ZC3H13: variants seen among roughly 807,000 people sequenced by gnomAD.
ZC3H13 encodes zinc finger CCCH-type containing 13.
In ZC3H13, 64 loss-of-function variants were observed where a neutral mutation model predicts 204.1. The ratio of observed to expected loss-of-function variants is 0.31; its 90% confidence interval spans 0.26 to 0.39. The LOEUF is 0.39. Ranked by LOEUF, ZC3H13 falls within the 10% of genes least tolerant of loss-of-function variation. The pLI, the probability that ZC3H13 is intolerant of heterozygous loss-of-function variation, is 1.00. For synonymous variants in ZC3H13, 667 were observed against 693.7 expected (o/e 0.96, Z 0.60); for missense variants, 1,833 against 2,082.7 (o/e 0.88, Z 2.33).
chr13:46,042,776 G>A (rs575558813), intron 3 of ZC3H13, among the ~76,000 whole-genome samples: 5 of 152,060 alleles, frequency 3.3e-5, no homozygotes, highest in African/African-American at 1.2e-4. Flanking sequence ...CATGCCTGTG[G>A]TTGGATGCAA....
chr13:46,012,990 G>C (rs1442131567), intron 5 of ZC3H13, among the ~76,000 whole-genome samples: 1 of 152,148 alleles, frequency 6.6e-6, no homozygotes, highest in Non-Finnish European at 1.5e-5. Context: ...TATCAGTAAG[G>C]CACTGCCAAT....
intron 4 of ZC3H13, among the ~76,000 whole-genome samples, chr13:46,039,483 C>G (rs550190142): frequency 1.7e-4 from 26 of 152,300 alleles, no homozygotes; most frequent in African/African-American, 6.3e-4. Flanking sequence ...GGACAGCCTG[C>G]ATTTCCATTT....
Position 45,957,158 on chromosome 13 carries a change from G to C in ZC3H13, c.4979C>G (p.Ser1660Cys). The change falls in exon 19 of 19, where the codon TCC becomes TGC. Residue 1660 changes from serine to cysteine, a missense_variant. Physicochemically the swap from Ser to Cys is moderately radical, Grantham distance 112. This residue lies in a region of ZC3H13 where 211 missense variants were observed against 228.4 expected (regional missense o/e 0.92). Coordinates refer to ENST00000679008, the MANE Select transcript of ZC3H13 (RefSeq NM_001330564.2). ...CACACACAGTTCCTGTTGGATACTG[G>C]ACTGTGAAAGTTTATTATCTTCAGT... is the stretch of plus-strand genomic sequence containing the variant. ...EKTEDNKLSQSSIQQELCVS is the reference protein window; with the variant it reads ...EKTEDNKLSQCSIQQELCVS 2 of 1,546,318 alleles carry C rather than the reference G, an allele frequency of 1.3e-6. No homozygotes were observed. The highest frequency in any genetic ancestry group is 8.7e-7 in the Non-Finnish European group (1 of 1,144,782).
rs1453640206 is a variant in ZC3H13 at position 46,044,972 on chromosome 13, A to G, written c.210T>C (p.Tyr70=). The G allele has an allele frequency of 2.5e-6, 4 of 1,612,324 alleles. No homozygotes were observed. The highest frequency in any genetic ancestry group is 2.2e-5 in the East Asian group (1 of 44,820). ...VHGPSPRGKG[Y]SSNYRRSPER... is the part of the protein sequence containing the mutation. ...CAGTTTACCTTCTATAATTGCTGCT[A>G]TAACCTTTACCACGAGGTGAAGGGC... The change falls in exon 3 of 19, where the codon TAT becomes TAC. Residue 70 remains tyrosine (Y), a synonymous_variant. Transcript: ENST00000679008.
intron 5 of ZC3H13, among the ~76,000 whole-genome samples, chr13:46,014,358 C>G (rs1357834839): frequency 2.0e-5 from 3 of 151,978 alleles, no homozygotes; most frequent in Non-Finnish European, 4.4e-5. Context: ...CCCTCACCCC[C>G]CATCCCCACA....
In ZC3H13 at chr13:46,047,463, C is replaced by G. The variant is rs534106078; in HGVS notation, c.-9-1947G>C. 1.2e-4 allele frequency among the ~76,000 whole-genome samples: 19 copies of G among 152,272 alleles called. No individual in the cohort carries two copies. In the South Asian group the frequency reaches 3.7e-3, roughly 30 times the overall value. ...ATTGTTCTCCAAGTAAGGAACTACA[C>G]ACCAATTCTACATACTGGTGTTAGC... On this transcript the variant is annotated intron_variant, in intron 1 of 18. Transcript: ENST00000679008.
chr13:46,004,654 T>A (rs571002921), intron 7 of ZC3H13, among the ~76,000 whole-genome samples: 1 of 152,324 alleles, frequency 6.6e-6, no homozygotes, highest in African/African-American at 2.4e-5. Context: ...GTTTTTCAGG[T>A]GGCTTCCAGG....
At chr13:45,996,523 T>C (rs1397291885) in intron 8 of ZC3H13, among the ~76,000 whole-genome samples, 2 of 152,194 alleles carry the variant, frequency 1.3e-5, no homozygotes, top group Non-Finnish European at 2.9e-5. Context: ...ATGTTTTAAA[T>C]TGCACACAGT....
chr13:46,009,193 G>C (rs778294537), intron 7 of ZC3H13, among the ~76,000 whole-genome samples: 1 of 152,034 alleles, frequency 6.6e-6, no homozygotes, highest in African/African-American at 2.4e-5. Flanking sequence ...GAGATAGAAG[G>C]GGGTAGATAG....
At chr13:46,043,723 GCAA>G in intron 3 of ZC3H13, among the ~76,000 whole-genome samples, 1 of 151,856 alleles carries the variant, frequency 6.6e-6, no homozygotes, top group East Asian at 1.9e-4. Flanking sequence ...ACACAAAATA[GCAA>G]AATTATAATA....
rs948129747 is a variant in ZC3H13 at position 45,985,716 on chromosome 13, C to T, written c.1301G>A (p.Arg434Gln). ...RDREKDSREE[R>Q]EYEQDQSSSR... Reference sequence around the variant, plus strand: ...AGAGCTCTGATCCTGTTCATATTCTCGTTCTTCTCTTGAGTCCTTTTCTCT... The same window carrying T: ...AGAGCTCTGATCCTGTTCATATTCTTGTTCTTCTCTTGAGTCCTTTTCTCT... Residue 434 changes from arginine to glutamine, a missense_variant, in exon 10 of 19, where the codon CGA becomes CAA. By Grantham distance (43) the Arg-to-Gln change is conservative. Coordinates refer to ENST00000679008, the MANE Select transcript of ZC3H13 (RefSeq NM_001330564.2). 4.3e-6 allele frequency: 7 copies of T among 1,613,412 alleles called. No individual in the cohort carries two copies. The highest frequency in any genetic ancestry group is 1.3e-5 in the African/African-American group (1 of 74,918).
chr13:46,021,673 C>A (rs1447200210), intron 4 of ZC3H13, among the ~76,000 whole-genome samples: 1 of 151,616 alleles, frequency 6.6e-6, no homozygotes, highest in African/African-American at 2.4e-5. Flanking sequence ...ACAACAGAGG[C>A]TGACGAAAAT....
intron 8 of ZC3H13, among the ~76,000 whole-genome samples, chr13:45,990,762 G>C (rs1374046613): frequency 5.3e-5 from 8 of 151,458 alleles, no homozygotes; most frequent in African/African-American, 9.7e-5. Flanking sequence ...AGTCAGTATT[G>C]TCTGGTTGTT....
rs541783892 is a variant in ZC3H13, at chr13:46,012,843, G to A, written c.449-1289C>T. On this transcript the variant is annotated intron_variant, in intron 5 of 18. Transcript: ENST00000679008. ...CTCTATTGAGATACTTTACATCAGT[G>A]AATAATAGGAGTCAATGTTCTGGTT... is the stretch of plus-strand genomic sequence containing the variant. 2.6e-5 allele frequency among the ~76,000 whole-genome samples: 4 copies of A among 152,244 alleles called. No individual in the cohort carries two copies. The South Asian group carries it at 6.2e-4, about 24-fold the overall frequency.
At position 46,052,562 on chromosome 13, in the gene ZC3H13, C is replaced by T. The variant is rs2044558967; in HGVS notation, c.-168G>A. On this transcript the variant is annotated 5_prime_UTR_variant, in exon 1 of 19. Coordinates refer to ENST00000679008, the MANE Select transcript of ZC3H13 (RefSeq NM_001330564.2). ...GCGGCTCCCGGGAACCGGCTCTTGG[C>T]TAGCGAGGAGCCCCCGGGATGGCTG... 7.5e-6 allele frequency: 3 copies of T among 398,794 alleles called. No homozygotes were observed. The highest frequency in any genetic ancestry group is 6.3e-4 in the Middle Eastern group (1 of 1,592). 24.7% of individuals were successfully genotyped at this position (398,794 alleles called of 1,614,324 possible). A position where few individuals can be genotyped will look rare whatever the true frequency, so the allele number is the denominator to read the frequency against.
intron 17 of ZC3H13, chr13:45,962,764 G>C (rs1378367865): frequency 1.0e-6 from 1 of 985,136 alleles, no homozygotes; most frequent in Non-Finnish European, 1.2e-6. Flanking sequence ...TTTATGTCCA[G>C]GGACATGACG....
chr13:45,967,914 C>G lies in ZC3H13; in HGVS notation c.3911G>C (p.Arg1304Pro). The G allele has an allele frequency of 6.2e-7, 1 of 1,613,988 alleles. No homozygotes were observed. Among genetic ancestry groups the G allele is most frequent in the Non-Finnish European group, 8.5e-7 (1 of 1,179,948 alleles). Reference protein sequence around the residue: ...DSRDRLQERDRYEHDRERERE... With the variant: ...DSRDRLQERDPYEHDRERERE... ...CTCGCGCTCTCTGTCGTGTTCATAT[C>G]GATCTCGTTCTTGAAGCCTGTCTCT... The change falls in exon 15 of 19, where the codon CGA (arginine) becomes CCA (proline). Residue 1304 changes from arginine to proline, a missense_variant. Around this residue, in one of 5 missense-constraint regions of ZC3H13, gnomAD observed 1,574 missense variants for 1,757.2 expected, o/e 0.90. Transcript: ENST00000679008.
At chr13:46,051,220 T>TA (rs1308129236) in intron 1 of ZC3H13, among the ~76,000 whole-genome samples, 1 of 152,188 alleles carries the variant, frequency 6.6e-6, no homozygotes, top group Non-Finnish European at 1.5e-5. Context: ...GAAAATCACA[T>TA]AAGCTTGCAA....
intron 15 of ZC3H13, 60 bp from the exon 16 acceptor site, chr13:45,965,492 C>A (rs1952006975): frequency 1.3e-6 from 2 of 1,573,990 alleles, no homozygotes; most frequent in South Asian, 2.3e-5. Context: ...ATGACTAAGT[C>A]AAACCAAAAG....
Sources: allele counts gnomAD v4.1 joint callset (sites outside exome capture counted in the v4.1 genomes callset), GRCh38; gene constraint gnomAD v4.1.1; regional missense constraint gnomAD v4.1.1; transcripts MANE v1.5; gene names NCBI Gene and HGNC (gene_info 2026-07-23, HGNC 2026-07-21).